Variants in PPP2R2C observed in about 807,000 individuals in gnomAD.
PPP2R2C encodes the protein protein phosphatase 2, regulatory subunit B, gamma.
In PPP2R2C, 10 loss-of-function variants were observed where a neutral mutation model predicts 45.3. The observed-to-expected ratio is 0.22, with a 90% CI of 0.14 to 0.37. The LOEUF (loss-of-function observed/expected upper bound fraction) is 0.37. Among genes scored for constraint, PPP2R2C ranks in the 10% least tolerant of loss-of-function variants. PPP2R2C has a pLI of 1.00. For synonymous variants in PPP2R2C, 257 were observed against 245.4 expected, an observed-to-expected ratio of 1.05 and a Z score of -0.44; for missense variants, 308 against 619.7, an observed-to-expected ratio of 0.50 and a Z score of 5.34.
intron 1 of PPP2R2C, among the ~76,000 whole-genome samples, chr4:6,535,961 G>A (rs2108827298): frequency 6.6e-6 from 1 of 152,304 alleles, no homozygotes; most frequent in Non-Finnish European, 1.5e-5. Context: ...GCAGTCCACT[G>A]AACTAATACT....
intron 1 of PPP2R2C, among the ~76,000 whole-genome samples, chr4:6,435,096 A>G (rs995189311): frequency 1.3e-5 from 2 of 152,036 alleles, no homozygotes; most frequent in African/African-American, 2.4e-5. Flanking sequence ...TTTTTATTTA[A>G]TTATTTTCAT....
intron 1 of PPP2R2C, among the ~76,000 whole-genome samples, chr4:6,426,372 T>C (rs968592912): frequency 1.3e-5 from 2 of 152,168 alleles, no homozygotes; most frequent in African/African-American, 2.4e-5. Flanking sequence ...CCACGAGCAC[T>C]TCCTGCAGCC....
intron 2 of PPP2R2C, among the ~76,000 whole-genome samples, chr4:6,522,565 G>A (rs1049248025): frequency 5.3e-5 from 8 of 152,248 alleles, no homozygotes; most frequent in East Asian, 1.9e-4. Context: ...TGGGGCCCCC[G>A]GAGTCACCGG....
At chr4:6,403,516 T>TCCCTGGCCTC (rs1353439635) in intron 1 of PPP2R2C, among the ~76,000 whole-genome samples, 1 of 152,280 alleles carries the variant, frequency 6.6e-6, no homozygotes, top group East Asian at 1.9e-4. Context: ...CCCAAAGCCT[T>TCCCTGGCCTC]CCCTGGCCTC....
intron 1 of PPP2R2C, among the ~76,000 whole-genome samples, chr4:6,391,749 G>C (rs754549097): frequency 6.6e-6 from 1 of 152,226 alleles, no homozygotes; most frequent in Non-Finnish European, 1.5e-5. Flanking sequence ...GCGGCAGCAG[G>C]GGAAGCCCTG....
In PPP2R2C at chr4:6,427,156, T is replaced by C. The variant is rs374268711; in HGVS notation, c.70+45004A>G. Among the ~76,000 whole-genome samples the C allele has an allele frequency of 2.6e-5, 4 of 152,360 alleles. 1 individual carries two copies. Among genetic ancestry groups the C allele is most frequent in the Admixed American group, 6.5e-5 (1 of 15,306 alleles). On this transcript the variant is annotated intron_variant, in intron 1 of 8. Coordinates refer to ENST00000382599, the MANE Select transcript of PPP2R2C (RefSeq NM_020416.4). ...GCTCACTGCTCCACACCCACTGGGC[T>C]GGGAGGCCAGGACGAGCTGGGGGCC...
chr4:6,441,190 GA>G (rs1192366829), intron 1 of PPP2R2C, among the ~76,000 whole-genome samples: 1 of 152,008 alleles, frequency 6.6e-6, no homozygotes, highest in African/African-American at 2.4e-5. Flanking sequence ...GCAGGCTCTG[GA>G]AAAAAGCACC....
rs553624490 is a variant in PPP2R2C, at chr4:6,321,586, C to T, written c.*1716G>A. On this transcript the variant is annotated 3_prime_UTR_variant, in exon 9 of 9. Coordinates refer to ENST00000382599, the MANE Select transcript of PPP2R2C (RefSeq NM_020416.4). ...GTGCTTTTACACACACAAAAGTATA[C>T]TGTAATCCACTGAGAATAACCTCAG... 6.6e-6 allele frequency: 1 copy of T among 152,442 alleles called. No homozygotes were observed. The highest frequency in any genetic ancestry group is 2.4e-5 in the African/African-American group (1 of 41,520). 9.4% of individuals were successfully genotyped at this position (152,442 alleles called of 1,614,324 possible).
At chr4:6,479,581 T>G (rs375055157) in intron 2 of PPP2R2C, among the ~76,000 whole-genome samples, 1 of 152,138 alleles carries the variant, frequency 6.6e-6, no homozygotes, top group African/African-American at 2.4e-5. Flanking sequence ...CCTGCACGAG[T>G]AACACTTGCT....
intron 1 of PPP2R2C, among the ~76,000 whole-genome samples, chr4:6,535,625 G>C (rs1409280881): frequency 1.3e-5 from 2 of 152,204 alleles, no homozygotes; most frequent in African/African-American, 4.8e-5. Flanking sequence ...GGGCTATTTT[G>C]GCCCCAAATG....
rs1731550814 is a variant in PPP2R2C, at chr4:6,321,509, C to T, written c.*1793G>A. ...CGTTGATTAAAAAAAAATCAATGAT[C>T]CATTTCCCTGTGTAAATGTTATATG... On this transcript the variant is annotated 3_prime_UTR_variant, in exon 9 of 9. Transcript: ENST00000382599. 6.6e-6 allele frequency: 1 copy of T among 152,410 alleles called. No individual in the cohort carries two copies. Among genetic ancestry groups the T allele is most frequent in the South Asian group, 2.1e-4 (1 of 4,824 alleles). 9.4% of individuals were successfully genotyped at this position (152,410 alleles called of 1,614,324 possible).
Position 6,401,235 on chromosome 4 carries a change from C to T in PPP2R2C, c.71-20141G>A, listed in dbSNP as rs144860528. 7.2e-3 allele frequency among the ~76,000 whole-genome samples: 1,093 copies of T among 152,220 alleles called. 10 individuals are homozygous for T. Among genetic ancestry groups the T allele is most frequent in the African/African-American group, 0.024 (992 of 41,530 alleles). ...AAACCAACCCAGGTGAAGACTTTCCCCTCCATCTCCTGGATATGGTTAATG... is the reference window on the plus strand; with the variant it reads ...AAACCAACCCAGGTGAAGACTTTCCTCTCCATCTCCTGGATATGGTTAATG... On this transcript the variant is annotated intron_variant, in intron 1 of 8. Transcript: ENST00000382599.
At chr4:6,542,625 A>T (rs957737415) in intron 1 of PPP2R2C, among the ~76,000 whole-genome samples, 16 of 150,958 alleles carry the variant, frequency 1.1e-4, no homozygotes, top group African/African-American at 3.9e-4. Flanking sequence ...AATTGCTTGA[A>T]CCTGGGAGGC....
Position 6,563,128 on chromosome 4 carries a change from C to T in PPP2R2C, c.-59+432G>A, listed in dbSNP as rs1725636092. 6.6e-6 allele frequency among the ~76,000 whole-genome samples: 1 copy of T among 152,192 alleles called. No homozygotes were observed. The highest frequency in any genetic ancestry group is 1.5e-5 in the Non-Finnish European group (1 of 68,028). ...CTTACCCCGGACTCCGAGCCGGACC[C>T]CGCGCCCGCACCTTCAGCCGGGCAG... is the stretch of plus-strand genomic sequence containing the variant. On this transcript the variant is annotated intron_variant, in intron 1 of 9. Coordinates refer to the PPP2R2C transcript ENST00000506140. This position sits in a 1 kb window ranked among gnomAD's most constrained non-coding sequence, Gnocchi z 5.8.
chr4:6,395,698 G>A (rs1577144030), intron 1 of PPP2R2C, among the ~76,000 whole-genome samples: 3 of 152,218 alleles, frequency 2.0e-5, no homozygotes, highest in Admixed American at 1.3e-4. Context: ...AGCTCTGGCT[G>A]TGCGCTGGCC....
chr4:6,511,699 A>G (rs1371267242), intron 2 of PPP2R2C, among the ~76,000 whole-genome samples: 1 of 21,188 alleles, frequency 4.7e-5, no homozygotes, highest in Non-Finnish European at 9.9e-5. Flanking sequence ...GATGGTGGTG[A>G]TGGTGGTGGA....
chr4:6,432,428 T>C (rs1307708200), intron 1 of PPP2R2C, among the ~76,000 whole-genome samples: 1 of 152,126 alleles, frequency 6.6e-6, no homozygotes, highest in African/African-American at 2.4e-5. Context: ...CCAAGGACCG[T>C]CGGGACCCAG....
intron 5 of PPP2R2C, among the ~76,000 whole-genome samples, chr4:6,359,572 A>G (rs753839878): frequency 6.6e-6 from 1 of 151,810 alleles, no homozygotes; most frequent in Non-Finnish European, 1.5e-5. Context: ...ACATTTTATT[A>G]TTAAGATTTT....
chr4:6,335,773 A>C (rs1732798741), intron 6 of PPP2R2C, among the ~76,000 whole-genome samples: 2 of 152,056 alleles, frequency 1.3e-5, no homozygotes, highest in Admixed American at 1.3e-4. Flanking sequence ...AGCTGCTTAC[A>C]GGGCAGGAAA....
Sources: gnomAD v4.1 joint callset for allele counts (sites outside exome capture counted in the v4.1 genomes callset) on GRCh38, gnomAD v4.1.1 for gene constraint, Gnocchi (gnomAD v3.1) non-coding constraint, MANE v1.5 for transcripts, NCBI Gene and HGNC (gene_info 2026-07-23, HGNC 2026-07-21) for gene names.